The following TMEM272 variants were observed in gnomAD, a reference collection of about 807,000 sequenced individuals.
The protein encoded by TMEM272 is transmembrane protein 272.
Under a neutral mutation model 3.7 loss-of-function variants are expected in TMEM272, and 8 were observed. That is an observed-to-expected ratio of 2.17 (90% confidence interval 1.27 to 3.91). The LOEUF (loss-of-function observed/expected upper bound fraction) is 3.91, where lower values mean the gene tolerates loss of function less well. TMEM272 is among the 30% of genes most tolerant of loss of function. The probability of loss-of-function intolerance (pLI) is 0.00; values close to 1 mark genes in which losing one functional copy is unlikely to be tolerated. For missense variants in TMEM272, 166 were observed against 91.5 expected, an observed-to-expected ratio of 1.81 and a Z score of -3.32; for synonymous variants, 63 against 39.8, an observed-to-expected ratio of 1.58 and a Z score of -2.20.
At chr13:51,844,546 A>C (rs985463363) in intron 1 of TMEM272, among the ~76,000 whole-genome samples, 2 of 152,122 alleles carry the variant, frequency 1.3e-5, no homozygotes, top group African/African-American at 4.8e-5. Context: ...TCGCATACCT[A>C]CTGTGTCTCA....
intron 3 of TMEM272, among the ~76,000 whole-genome samples, chr13:51,823,616 G>A (rs1956099160): frequency 6.6e-6 from 1 of 152,246 alleles, no homozygotes; most frequent in Admixed American, 6.5e-5. Context: ...TGTGGCTGTA[G>A]CACAGTTAAG....
At chr13:51,868,670 T>C in the TMEM272 span, among the ~76,000 whole-genome samples, 1 of 152,216 alleles carries the variant, frequency 6.6e-6, no homozygotes, top group Non-Finnish European at 1.5e-5. Flanking sequence ...CCTGGGTCTT[T>C]CGTAAGACAA....
At chr13:51,918,762 C>T in the TMEM272 span, among the ~76,000 whole-genome samples, 1 of 151,670 alleles carries the variant, frequency 6.6e-6, no homozygotes, top group Non-Finnish European at 1.5e-5. Context: ...GTAGCTGGGA[C>T]CACAGGGACA....
At chr13:51,910,036 C>T in the TMEM272 span, 4 of 1,433,332 alleles carry the variant, frequency 2.8e-6, no homozygotes, top group Non-Finnish European at 3.9e-6. Flanking sequence ...ATTTGAAATC[C>T]CTTGAAGGTC....
the TMEM272 span, chr13:51,908,962 T>C: frequency 1.3e-3 from 1,797 of 1,400,124 alleles, 5 homozygotes; most frequent in Non-Finnish European, 1.6e-3. Context: ...CTTGGGTCTC[T>C]TCCTCCTCCC....
chr13:51,851,295 C>T, the TMEM272 span, among the ~76,000 whole-genome samples: 1 of 151,792 alleles, frequency 6.6e-6, no homozygotes, highest in African/African-American at 2.4e-5. Context: ...GATCATGTCA[C>T]TGCACTCCAA....
chr13:51,872,294 T>C, the TMEM272 span, among the ~76,000 whole-genome samples: 2 of 151,914 alleles, frequency 1.3e-5, no homozygotes, highest in Non-Finnish European at 2.9e-5. Flanking sequence ...TATTGGACAA[T>C]ATGACAGCAG....
the TMEM272 span, among the ~76,000 whole-genome samples, chr13:51,917,041 G>T: frequency 1.3e-5 from 2 of 152,196 alleles, no homozygotes; most frequent in Admixed American, 6.5e-5. Flanking sequence ...TAACCTGTGG[G>T]CTTAAGCCCT....
the TMEM272 span, among the ~76,000 whole-genome samples, chr13:51,904,493 G>A: frequency 7.2e-5 from 11 of 152,134 alleles, no homozygotes; most frequent in Admixed American, 7.2e-4. Flanking sequence ...ATGCATAGTA[G>A]TAATGAATAA....
intron 4 of TMEM272, among the ~76,000 whole-genome samples, chr13:51,820,987 C>T (rs1000439972): frequency 5.9e-5 from 9 of 152,222 alleles, no homozygotes; most frequent in Admixed American, 1.3e-4. Flanking sequence ...ACGTCTCCCA[C>T]GACAGAGTTG....
the TMEM272 span, among the ~76,000 whole-genome samples, chr13:51,922,947 T>C: frequency 2.0e-5 from 3 of 152,242 alleles, no homozygotes; most frequent in Non-Finnish European, 4.4e-5. Context: ...CCTCTTGCCA[T>C]GTCAAGACCC....
the TMEM272 span, chr13:51,908,314 G>A: frequency 2.4e-6 from 3 of 1,236,438 alleles, no homozygotes; most frequent in South Asian, 1.3e-5. Context: ...TGGGGGTGGG[G>A]GTGGGGGCAA....
At chr13:51,918,807 T>TC in the TMEM272 span, among the ~76,000 whole-genome samples, 2 of 141,414 alleles carry the variant, frequency 1.4e-5, no homozygotes, top group South Asian at 4.6e-4. Context: ...GAAATTCTTT[T>TC]TTTTTTTTTT....
In TMEM272 at chr13:51,817,033, G is replaced by A. The variant is rs957881430; in HGVS notation, c.282C>T (p.Asp94=). Residue 94 remains aspartate (D), a synonymous_variant, in exon 5 of 5, where the codon GAC becomes GAT. Coordinates refer to ENST00000629372, the MANE Select transcript of TMEM272 (RefSeq NM_001351003.2). ...GCGCATTCTGCCTCCAGGGGTATTC[G>A]TCATCGTCATCGTCATCAATCACCA... ...KAVVIDDDDD[D]EYPWRQNAHR... 6.5e-5 allele frequency: 46 copies of A among 702,852 alleles called. No individual in the cohort carries two copies. Among genetic ancestry groups the A allele is most frequent in the South Asian group, 1.6e-4 (11 of 67,600 alleles). 43.5% of individuals were successfully genotyped at this position (702,852 alleles called of 1,614,324 possible).
chr13:51,833,373 T>C (rs1220888152), intron 2 of TMEM272, among the ~76,000 whole-genome samples: 1 of 152,108 alleles, frequency 6.6e-6, no homozygotes, highest in Non-Finnish European at 1.5e-5. Flanking sequence ...TAATCATCAA[T>C]AATATCATCA....
intron 3 of TMEM272, among the ~76,000 whole-genome samples, chr13:51,824,338 T>G (rs1329309351): frequency 6.6e-6 from 1 of 152,256 alleles, no homozygotes; most frequent in Non-Finnish European, 1.5e-5. Flanking sequence ...CCAAATGTAG[T>G]GATTTTTAAA....
At chr13:51,883,727 C>T in the TMEM272 span, among the ~76,000 whole-genome samples, 1 of 152,170 alleles carries the variant, frequency 6.6e-6, no homozygotes, top group Non-Finnish European at 1.5e-5. Context: ...CAGGTTTCAC[C>T]AGGGACTCAT....
chr13:51,919,315 C>A, the TMEM272 span, among the ~76,000 whole-genome samples: 2 of 152,028 alleles, frequency 1.3e-5, 1 homozygote, highest in African/African-American at 4.8e-5. Context: ...GACCCACTAC[C>A]CAGATTTAAC....
chr13:51,833,492 T>C (rs971780170), intron 2 of TMEM272, among the ~76,000 whole-genome samples: 10 of 151,976 alleles, frequency 6.6e-5, no homozygotes, highest in East Asian at 1.9e-4. Flanking sequence ...TGGAGAGCAA[T>C]TGTGAGGCTC....
Sources: allele counts gnomAD v4.1 joint callset (sites outside exome capture counted in the v4.1 genomes callset), GRCh38; gene constraint gnomAD v4.1.1; transcripts MANE v1.5; gene names NCBI Gene and HGNC (gene_info 2026-07-23, HGNC 2026-07-21).